The following GARRE1 variants were observed in gnomAD, a reference collection of about 807,000 sequenced individuals.
GARRE1 encodes the protein granule associated Rac and RHOG effector 1.
GARRE1 carries 49 observed loss-of-function variants against 103.2 expected under a neutral mutation model. That is an observed-to-expected ratio of 0.47 (90% CI 0.38 to 0.60). GARRE1 has a LOEUF of 0.60. Among genes scored for constraint, GARRE1 ranks in the 20% least tolerant of loss-of-function variants. GARRE1 has a pLI of 0.00. For synonymous variants in GARRE1, 505 were observed against 532.8 expected (o/e 0.95, Z 0.72); for missense variants, 1,199 against 1,370.5 (o/e 0.87, Z 1.98).
chr19:34,275,484 A>G (rs1345030899), intron 1 of GARRE1, among the ~76,000 whole-genome samples: 1 of 151,774 alleles, frequency 6.6e-6, no homozygotes, highest in Admixed American at 6.6e-5. Flanking sequence ...TACAGTTCAT[A>G]TTAAGGGAAC....
intron 2 of GARRE1, among the ~76,000 whole-genome samples, chr19:34,309,077 T>TAAA (rs35384665): frequency 6.8e-6 from 1 of 147,322 alleles, no homozygotes. Context: ...TCTCCCTCTT[T>TAAA]AAAAAAAAAA....
chr19:34,319,511 A>T (rs564191098), intron 2 of GARRE1, among the ~76,000 whole-genome samples: 3 of 152,158 alleles, frequency 2.0e-5, no homozygotes, highest in Admixed American at 6.6e-5. Context: ...TTTTAGTTGC[A>T]TGGTTTTTCC....
At chr19:34,276,055 T>C (rs779222851) in intron 1 of GARRE1, among the ~76,000 whole-genome samples, 1 of 152,192 alleles carries the variant, frequency 6.6e-6, no homozygotes. Context: ...TTGTTTTTTT[T>C]TCTTTAGAGA....
intron 2 of GARRE1, among the ~76,000 whole-genome samples, chr19:34,302,772 T>G (rs969848239): frequency 6.9e-6 from 1 of 145,382 alleles, no homozygotes; most frequent in Admixed American, 7.1e-5. Flanking sequence ...AAAGACAGAG[T>G]CTCTCTCTGT....
At chr19:34,313,275 C>T (rs2074045033) in intron 2 of GARRE1, among the ~76,000 whole-genome samples, 1 of 151,978 alleles carries the variant, frequency 6.6e-6, no homozygotes, top group African/African-American at 2.4e-5. Flanking sequence ...TGGGGCACTC[C>T]CACATTTACA....
chr19:34,272,988 G>C (rs1050038591), intron 1 of GARRE1, among the ~76,000 whole-genome samples: 36 of 152,206 alleles, frequency 2.4e-4, no homozygotes, highest in Admixed American at 2.0e-4. Flanking sequence ...TGGATCACTT[G>C]AGGTCAGGAG....
rs1220211328 is a variant in GARRE1 at position 34,275,113 on chromosome 19, G to GGTA, written c.-796+20501_-796+20503dup. Among the ~76,000 whole-genome samples, 27 of 151,426 alleles carry GGTA rather than the reference G, an allele frequency of 1.8e-4. No homozygotes were observed. In the South Asian group the frequency reaches 5.4e-3, roughly 30 times the overall value. On this transcript the variant is annotated intron_variant, in intron 1 of 13. Transcript: ENST00000299505. The stretch of plus-strand genomic sequence containing the variant: ...CCTGTAGTGTCTCCACATTATCAAG[G>GGTA]GTAGATATTTGGATTTGCATTTTTG...
Position 34,308,238 on chromosome 19 carries a change from C to CTTTTTTTTTT in GARRE1, c.495+7283_495+7292dup, listed in dbSNP as rs753284001. Among the ~76,000 whole-genome samples the CTTTTTTTTTT allele has an allele frequency of 4.0e-5, 4 of 99,498 alleles. 1 individual carries two copies. Among genetic ancestry groups the CTTTTTTTTTT allele is most frequent in the African/African-American group, 7.7e-5 (2 of 26,138 alleles). The allele number at this position is 99,498 out of a possible 152,430, so 65.3% of individuals were successfully genotyped here. Reference sequence around the variant, plus strand: ...ATGGAATTGAATGTGCATCCTGTTCCTTTTTTTTTTTTTTTTTTTTTTGCC... The same window carrying CTTTTTTTTTT: ...ATGGAATTGAATGTGCATCCTGTTCCTTTTTTTTTTTTTTTTTTTTTTTTTTTTTTTTGCC... On this transcript the variant is annotated intron_variant, in intron 2 of 13. Coordinates refer to ENST00000299505, the MANE Select transcript of GARRE1 (RefSeq NM_014686.5).
At chr19:34,291,547 G>A (rs918901390) in intron 1 of GARRE1, among the ~76,000 whole-genome samples, 12 of 152,130 alleles carry the variant, frequency 7.9e-5, no homozygotes, top group African/African-American at 1.4e-4. Flanking sequence ...ACCCCAAGGC[G>A]AAAGGTGGAA....
intron 1 of GARRE1, among the ~76,000 whole-genome samples, chr19:34,285,571 C>T (rs1206222077): frequency 6.6e-6 from 1 of 151,832 alleles, no homozygotes; most frequent in Non-Finnish European, 1.5e-5. Context: ...TGCAGTGAGC[C>T]GAGATCGCAC....
At chr19:34,287,805 TA>T (rs2073895889) in intron 1 of GARRE1, among the ~76,000 whole-genome samples, 2 of 152,188 alleles carry the variant, frequency 1.3e-5, no homozygotes, top group African/African-American at 4.8e-5. Flanking sequence ...CCTCTTTTTA[TA>T]AGGGCACTAA....
At chr19:34,268,649 TG>T in intron 1 of GARRE1, among the ~76,000 whole-genome samples, 1 of 151,940 alleles carries the variant, frequency 6.6e-6, no homozygotes, top group East Asian at 1.9e-4. Context: ...TTTCATTAAA[TG>T]TTCACTATTT....
intron 12 of GARRE1, 57 bp downstream of exon 12, chr19:34,349,210 T>C: frequency 6.4e-7 from 1 of 1,568,366 alleles, no homozygotes; most frequent in Non-Finnish European, 8.7e-7. Context: ...ATGCAACCCA[T>C]GGCTCACTCC....
At chr19:34,339,702 T>C (rs1441354368) in intron 8 of GARRE1, among the ~76,000 whole-genome samples, 165 bp from the exon 9 acceptor site, 1 of 152,208 alleles carries the variant, frequency 6.6e-6, no homozygotes, top group Admixed American at 6.5e-5. Flanking sequence ...TGTGGGGCAG[T>C]GAGTTCCAGG....
chr19:34,335,061 C>T (rs753366991), intron 8 of GARRE1, among the ~76,000 whole-genome samples: 5 of 151,740 alleles, frequency 3.3e-5, no homozygotes, highest in Non-Finnish European at 7.4e-5. Context: ...AAAAAAAAAC[C>T]GTTATGATGT....
chr19:34,270,014 A>G (rs2073776859), intron 1 of GARRE1, among the ~76,000 whole-genome samples: 1 of 152,152 alleles, frequency 6.6e-6, no homozygotes, highest in Non-Finnish European at 1.5e-5. Context: ...CTTGCTCTCC[A>G]TGCCCGCCTT....
At chr19:34,298,220 A>G (rs1349219955) in intron 1 of GARRE1, among the ~76,000 whole-genome samples, 2 of 152,102 alleles carry the variant, frequency 1.3e-5, no homozygotes, top group African/African-American at 4.8e-5. Flanking sequence ...GTTTGAGACC[A>G]GCCTGGGCAA....
At chr19:34,301,981 C>CAT (rs1322311203) in intron 2 of GARRE1, among the ~76,000 whole-genome samples, 2 of 73,602 alleles carry the variant, frequency 2.7e-5, no homozygotes, top group African/African-American at 4.0e-5. Context: ...CTGCGCCCAG[C>CAT]CTTTTTTTTT....
chr19:34,275,830 G>T lies in GARRE1; in HGVS notation c.-796+21216G>T, dbSNP rs1048012090. ...TTTTCCAACATGTCTGTACCATTTT[G>T]TATTACCCTGAGCAGTATATGAGGA... On this transcript the variant is annotated intron_variant, in intron 1 of 13. Transcript: ENST00000299505. Among the ~76,000 whole-genome samples, 12 of 152,144 alleles carry T rather than the reference G, an allele frequency of 7.9e-5. No individual in the cohort carries two copies. The South Asian group carries it at 1.9e-3, about 24-fold the overall frequency.
Sources: gnomAD v4.1 joint callset for allele counts (sites outside exome capture counted in the v4.1 genomes callset) on GRCh38, gnomAD v4.1.1 for gene constraint, MANE v1.5 for transcripts, NCBI Gene and HGNC (gene_info 2026-07-23, HGNC 2026-07-21) for gene names.